SLC2A13: variants seen among roughly 807,000 people sequenced by gnomAD.
SLC2A13 encodes proton myo-inositol cotransporter.
In SLC2A13, 32 loss-of-function variants were observed where a neutral mutation model predicts 64.4. The ratio of observed to expected loss-of-function variants is 0.50; its 90% CI spans 0.37 to 0.67. The LOEUF (loss-of-function observed/expected upper bound fraction) is 0.67, where lower values mean the gene tolerates loss of function less well. Ranked by LOEUF, SLC2A13 falls within the 30% of genes least tolerant of loss-of-function variation. The probability of loss-of-function intolerance (pLI) is 0.00; values close to 1 mark genes in which losing one functional copy is unlikely to be tolerated. For synonymous variants in SLC2A13, 338 were observed against 327.1 expected (o/e 1.03, Z -0.36); for missense variants, 743 against 829.2 (o/e 0.90, Z 1.28).
chr12:39,959,838 C>T (rs1487086151), intron 3 of SLC2A13, among the ~76,000 whole-genome samples: 1 of 151,886 alleles, frequency 6.6e-6, no homozygotes, highest in East Asian at 2.0e-4. Flanking sequence ...CTTTAAGTTC[C>T]AGGATACACA....
intron 2 of SLC2A13, among the ~76,000 whole-genome samples, chr12:40,034,871 T>C (rs1947954929): frequency 6.6e-6 from 1 of 152,212 alleles, no homozygotes; most frequent in Middle Eastern, 3.2e-3. Flanking sequence ...TCTGAGCTGT[T>C]ACTCAGCTAT....
At chr12:40,057,855 ATC>A (rs1948356099) in intron 1 of SLC2A13, among the ~76,000 whole-genome samples, 1 of 152,148 alleles carries the variant, frequency 6.6e-6, no homozygotes, top group Non-Finnish European at 1.5e-5. Flanking sequence ...ATTACCAAAG[ATC>A]TCTGTTAATT....
intron 3 of SLC2A13, among the ~76,000 whole-genome samples, chr12:40,005,336 G>A (rs1947397055): frequency 6.6e-6 from 1 of 152,256 alleles, no homozygotes. Context: ...CCCTCATCCA[G>A]AGGTACAACT....
chr12:39,826,316 CCTTT>C (rs1426060957), intron 7 of SLC2A13, among the ~76,000 whole-genome samples: 1 of 151,774 alleles, frequency 6.6e-6, no homozygotes, highest in East Asian at 1.9e-4. Context: ...GTATTTCTAA[CCTTT>C]CTGTGACTGT....
intron 7 of SLC2A13, among the ~76,000 whole-genome samples, chr12:39,774,405 A>C (rs1491004256): frequency 6.6e-6 from 1 of 152,180 alleles, no homozygotes; most frequent in Non-Finnish European, 1.5e-5. Context: ...TTCAGTAGGC[A>C]TATTTCCTAT....
chr12:39,895,186 G>A (rs1430722274), intron 4 of SLC2A13, among the ~76,000 whole-genome samples: 1 of 151,996 alleles, frequency 6.6e-6, no homozygotes, highest in African/African-American at 2.4e-5. Context: ...TGAGTAACAA[G>A]TAGTGGGTCT....
At chr12:39,874,723 C>T (rs1180709370) in intron 4 of SLC2A13, among the ~76,000 whole-genome samples, 1 of 151,582 alleles carries the variant, frequency 6.6e-6, no homozygotes, top group Non-Finnish European at 1.5e-5. Flanking sequence ...TATGTTTGGA[C>T]TTTGTATTGT....
intron 1 of SLC2A13, among the ~76,000 whole-genome samples, chr12:40,081,283 C>T (rs1938390608): frequency 6.6e-6 from 1 of 152,172 alleles, no homozygotes; most frequent in Non-Finnish European, 1.5e-5. Context: ...TGGACAATAT[C>T]CACAAAAACG....
chr12:39,821,421 AT>A (rs1019130534), intron 7 of SLC2A13, among the ~76,000 whole-genome samples: 11 of 151,576 alleles, frequency 7.3e-5, no homozygotes, highest in Non-Finnish European at 1.5e-5. Context: ...AAAAAAAAAA[AT>A]TTTTTTTTGT....
At chr12:39,881,003 C>A (rs1167717586) in intron 4 of SLC2A13, among the ~76,000 whole-genome samples, 1 of 152,190 alleles carries the variant, frequency 6.6e-6, no homozygotes, top group Non-Finnish European at 1.5e-5. Flanking sequence ...GTATGTATAA[C>A]AGGTTACATG....
At chr12:40,012,461 A>G (rs898661499) in intron 3 of SLC2A13, among the ~76,000 whole-genome samples, 1 of 152,166 alleles carries the variant, frequency 6.6e-6, no homozygotes, top group African/African-American at 2.4e-5. Context: ...AGAAACTGGA[A>G]GTGTTTCCAG....
intron 7 of SLC2A13, among the ~76,000 whole-genome samples, chr12:39,783,887 C>A: frequency 6.6e-6 from 1 of 152,124 alleles, no homozygotes. Flanking sequence ...TCTCAGGATA[C>A]AAAATCAATG....
chr12:40,039,305 C>T (rs1362314915), intron 2 of SLC2A13, among the ~76,000 whole-genome samples: 2 of 152,176 alleles, frequency 1.3e-5, no homozygotes, highest in Admixed American at 1.3e-4. Flanking sequence ...CAACCTTTCA[C>T]TTTGAATCTA....
Position 39,936,410 on chromosome 12 carries a change from C to A in SLC2A13, c.1034+14847G>T, listed in dbSNP as rs566291326. 3.3e-5 allele frequency among the ~76,000 whole-genome samples: 5 copies of A among 152,156 alleles called. No individual in the cohort carries two copies. In the South Asian group the frequency reaches 1.0e-3, roughly 32 times the overall value. On this transcript the variant is annotated intron_variant, in intron 4 of 9. Coordinates refer to ENST00000280871, the MANE Select transcript of SLC2A13 (RefSeq NM_052885.4). ...AGAGAAAGAAGAAGGGTGCATATACCCTACAGAAATAACAGCAAAAAACCT... is the reference window on the plus strand; with the variant it reads ...AGAGAAAGAAGAAGGGTGCATATACACTACAGAAATAACAGCAAAAAACCT...
chr12:39,972,770 A>C (rs550564858), intron 3 of SLC2A13, among the ~76,000 whole-genome samples: 52 of 152,308 alleles, frequency 3.4e-4, no homozygotes, highest in African/African-American at 1.2e-3. Context: ...AAAGCTAATT[A>C]AAAGTCTCTA....
chr12:40,042,599 A>G (rs768510745), intron 2 of SLC2A13, among the ~76,000 whole-genome samples: 2 of 152,164 alleles, frequency 1.3e-5, no homozygotes, highest in Non-Finnish European at 2.9e-5. Context: ...TTGGTTTATA[A>G]TAAATATCTT....
intron 3 of SLC2A13, among the ~76,000 whole-genome samples, chr12:39,973,651 C>A (rs10877877): frequency 2.6e-5 from 4 of 152,130 alleles, no homozygotes; most frequent in Admixed American, 6.5e-5. Context: ...AGCATTCCCC[C>A]CTTCATGAAA....
intron 4 of SLC2A13, among the ~76,000 whole-genome samples, chr12:39,899,572 T>C (rs1322220238): frequency 1.3e-5 from 2 of 152,298 alleles, no homozygotes; most frequent in African/African-American, 2.4e-5. Flanking sequence ...ATTGTGATGT[T>C]AGGGTGTCAA....
At chr12:39,890,752 C>T (rs7135349) in intron 4 of SLC2A13, among the ~76,000 whole-genome samples, 1,696 of 152,128 alleles carry the variant, frequency 0.011, 37 homozygotes, top group African/African-American at 0.037. Flanking sequence ...CTGTAGAAAA[C>T]CAATACATAT....
Sources: allele counts gnomAD v4.1 joint callset (sites outside exome capture counted in the v4.1 genomes callset), GRCh38; gene constraint gnomAD v4.1.1; transcripts MANE v1.5; gene names NCBI Gene and HGNC (gene_info 2026-07-23, HGNC 2026-07-21).